CCBE1: variants seen among roughly 807,000 people sequenced by gnomAD.
The protein encoded by CCBE1 is collagen and calcium-binding EGF domain-containing protein 1.
CCBE1 carries 37 observed loss-of-function variants against 50.0 expected under a neutral mutation model. The observed-to-expected ratio is 0.74, with a 90% CI of 0.57 to 0.97. CCBE1 has a LOEUF of 0.97. Ranked by LOEUF, CCBE1 falls within the 50% of genes least tolerant of loss-of-function variation. The probability of loss-of-function intolerance (pLI) is 0.00; values close to 1 mark genes in which losing one functional copy is unlikely to be tolerated. For synonymous variants in CCBE1, 234 were observed against 203.7 expected, an observed-to-expected ratio of 1.15 and a Z score of -1.27; for missense variants, 538 against 523.8, an observed-to-expected ratio of 1.03 and a Z score of -0.26.
At chr18:59,693,178 A>C (rs2054759363) in intron 2 of CCBE1, among the ~76,000 whole-genome samples, 1 of 152,122 alleles carries the variant, frequency 6.6e-6, no homozygotes, top group Admixed American at 6.5e-5. Context: ...TTGTTGCAGG[A>C]AGTCCCTTGC....
Position 59,697,394 on chromosome 18 carries a change from T to A in CCBE1, c.-52A>T. On this transcript the variant is annotated 5_prime_UTR_variant, in exon 1 of 11. Coordinates refer to ENST00000439986, the MANE Select transcript of CCBE1 (RefSeq NM_133459.4). ...CGCCGAGCTCCGTCCGGACCAAGCG[T>A]CCTGCTCCTCCGCGGCCGCCGCCGC... is the stretch of plus-strand genomic sequence containing the variant. 1 of 1,521,462 alleles carries A rather than the reference T, an allele frequency of 6.6e-7. No individual in the cohort carries two copies. Among genetic ancestry groups the A allele is most frequent in the South Asian group, 1.2e-5 (1 of 82,502 alleles). 94.2% of individuals were successfully genotyped at this position (1,521,462 alleles called of 1,614,324 possible).
chr18:59,688,688 T>A (rs2054690298), intron 2 of CCBE1, among the ~76,000 whole-genome samples: 1 of 152,210 alleles, frequency 6.6e-6, no homozygotes, highest in Non-Finnish European at 1.5e-5. Context: ...AACTGGCAGA[T>A]TATGCTCATT....
intron 2 of CCBE1, among the ~76,000 whole-genome samples, chr18:59,681,913 T>G (rs2054593594): frequency 6.6e-6 from 1 of 152,228 alleles, no homozygotes; most frequent in South Asian, 2.1e-4. Flanking sequence ...TTCTGTTTAC[T>G]CTGCTCTCTG....
chr18:59,542,225 G>A (rs1465500464), intron 2 of CCBE1, among the ~76,000 whole-genome samples: 1 of 151,176 alleles, frequency 6.6e-6, no homozygotes, highest in Admixed American at 6.6e-5. Context: ...AAAGAACTAT[G>A]CTTTCTCAGT....
intron 6 of CCBE1, 120 bp downstream of exon 6, chr18:59,454,731 G>A (rs1006458968): frequency 4.3e-5 from 37 of 868,078 alleles, no homozygotes; most frequent in Non-Finnish European, 6.4e-5. Context: ...AAACCTCACT[G>A]GCATCAACTG....
chr18:59,453,649 C>G (rs763146040), intron 6 of CCBE1, among the ~76,000 whole-genome samples: 23 of 152,248 alleles, frequency 1.5e-4, no homozygotes, highest in Non-Finnish European at 2.2e-4. Flanking sequence ...GAAAGAGATA[C>G]CATCTCAGGC....
chr18:59,588,328 G>A (rs368152090), intron 2 of CCBE1, among the ~76,000 whole-genome samples: 1 of 152,114 alleles, frequency 6.6e-6, no homozygotes, highest in Non-Finnish European at 1.5e-5. Context: ...TGGGAAGGCC[G>A]AAATGCGAGG....
At chr18:59,646,200 C>T (rs1240348464) in intron 2 of CCBE1, among the ~76,000 whole-genome samples, 1 of 152,178 alleles carries the variant, frequency 6.6e-6, no homozygotes, top group Non-Finnish European at 1.5e-5. Flanking sequence ...TGGTGTTTGT[C>T]AGGCATAGGA....
At chr18:59,628,326 A>G (rs2053812729) in intron 2 of CCBE1, among the ~76,000 whole-genome samples, 1 of 152,218 alleles carries the variant, frequency 6.6e-6, no homozygotes, top group Non-Finnish European at 1.5e-5. Flanking sequence ...TTCATTAAAA[A>G]TAATAAGGAG....
chr18:59,612,861 T>C (rs1021206855), intron 2 of CCBE1, among the ~76,000 whole-genome samples: 1 of 144,118 alleles, frequency 6.9e-6, no homozygotes, highest in Non-Finnish European at 1.5e-5. Context: ...TTTTTTAATG[T>C]CTGTTAGATG....
chr18:59,538,221 A>G (rs935840895), intron 2 of CCBE1, among the ~76,000 whole-genome samples: 12 of 152,246 alleles, frequency 7.9e-5, no homozygotes, highest in African/African-American at 2.7e-4. Context: ...CAAAAACTCC[A>G]TAGTAAATTC....
At chr18:59,475,336 T>C (rs567366025) in intron 3 of CCBE1, among the ~76,000 whole-genome samples, 31 of 152,328 alleles carry the variant, frequency 2.0e-4, no homozygotes, top group Non-Finnish European at 3.7e-4. Context: ...TAAAAACCTT[T>C]ACAACTTGCT....
chr18:59,652,838 C>A (rs1023206301), intron 2 of CCBE1, among the ~76,000 whole-genome samples: 36 of 152,238 alleles, frequency 2.4e-4, no homozygotes, highest in Admixed American at 2.4e-3. Flanking sequence ...GCGGCGGGCG[C>A]CTGTAGTCCC....
intron 2 of CCBE1, among the ~76,000 whole-genome samples, chr18:59,557,768 G>A (rs1442082810): frequency 1.3e-5 from 2 of 152,116 alleles, no homozygotes; most frequent in Non-Finnish European, 2.9e-5. Flanking sequence ...CCCACTCTGT[G>A]GAGTGTACTT....
chr18:59,497,822 C>A (rs1174871412), intron 2 of CCBE1, among the ~76,000 whole-genome samples: 1 of 152,184 alleles, frequency 6.6e-6, no homozygotes, highest in Non-Finnish European at 1.5e-5. Flanking sequence ...AACGCTCCTG[C>A]CCCTCCAGGT....
At chr18:59,471,493 TA>T (rs1568158124) in intron 3 of CCBE1, among the ~76,000 whole-genome samples, 1 of 152,230 alleles carries the variant, frequency 6.6e-6, no homozygotes, top group East Asian at 1.9e-4. Context: ...AATGACAACA[TA>T]AAAGCTATTC....
intron 2 of CCBE1, among the ~76,000 whole-genome samples, chr18:59,589,523 C>T (rs529387781): frequency 1.5e-4 from 23 of 152,176 alleles, no homozygotes; most frequent in Non-Finnish European, 2.8e-4. Context: ...GGGCCAGGCA[C>T]GGTGGCTCAC....
intron 2 of CCBE1, among the ~76,000 whole-genome samples, chr18:59,496,396 A>C (rs766407748): frequency 1.2e-4 from 18 of 152,342 alleles, no homozygotes; most frequent in Admixed American, 2.6e-4. Flanking sequence ...CCAAGATATT[A>C]TTTATAAAAA....
chr18:59,658,606 G>A (rs1463031797), intron 2 of CCBE1, among the ~76,000 whole-genome samples: 3 of 149,144 alleles, frequency 2.0e-5, no homozygotes, highest in African/African-American at 7.4e-5. Flanking sequence ...TATTGGCAGG[G>A]CACAGTGGCT....
Sources: gnomAD v4.1 joint callset for allele counts (sites outside exome capture counted in the v4.1 genomes callset) on GRCh38, gnomAD v4.1.1 for gene constraint, MANE v1.5 for transcripts, NCBI Gene and HGNC (gene_info 2026-07-23, HGNC 2026-07-21) for gene names.